TNNI3K: variants seen among roughly 807,000 people sequenced by gnomAD.
TNNI3K encodes serine/threonine-protein kinase TNNI3K.
Under a neutral mutation model 114.5 loss-of-function variants are expected in TNNI3K, and 140 were observed. The observed-to-expected ratio is 1.22, with a 90% CI of 1.07 to 1.41. The LOEUF (loss-of-function observed/expected upper bound fraction) is 1.41, where lower values mean the gene tolerates loss of function less well. Among genes scored for constraint, TNNI3K ranks in the 40% most tolerant of loss-of-function variants. TNNI3K has a pLI of 0.00. For synonymous variants in TNNI3K, 347 were observed against 347.5 expected (o/e 1.00, Z 0.02); for missense variants, 1,125 against 1,007.6 (o/e 1.12, Z -1.58).
chr1:74,378,606 A>AAT (rs1173669366), intron 17 of TNNI3K: 4 of 62,002 alleles, frequency 6.5e-5, no homozygotes, highest in Admixed American at 2.9e-4. Flanking sequence ...ATATATATAT[A>AAT]TATATATATA....
chr1:74,331,241 A>G (rs1435933136), intron 5 of TNNI3K, among the ~76,000 whole-genome samples: 1 of 152,228 alleles, frequency 6.6e-6, no homozygotes, highest in African/African-American at 2.4e-5. Context: ...GTCAGATTGA[A>G]GGGACCTTGA....
chr1:74,481,237 T>G (rs187864986), intron 21 of TNNI3K, among the ~76,000 whole-genome samples: 1 of 152,360 alleles, frequency 6.6e-6, no homozygotes, highest in Admixed American at 6.5e-5. Context: ...ATGTCAAAGT[T>G]AATTCATTGT....
chr1:74,498,391 A>T (rs1331664858), intron 23 of TNNI3K, among the ~76,000 whole-genome samples: 2 of 152,210 alleles, frequency 1.3e-5, no homozygotes, highest in African/African-American at 4.8e-5. Flanking sequence ...ACTCTGTGCC[A>T]CGTTATAATT....
intron 5 of TNNI3K, among the ~76,000 whole-genome samples, chr1:74,312,739 A>G (rs1659065309): frequency 6.6e-6 from 1 of 152,198 alleles, no homozygotes; most frequent in African/African-American, 2.4e-5. Context: ...TGGGATGGTT[A>G]GGAAAAGAAG....
Position 74,453,903 on chromosome 1 carries a change from A to G in TNNI3K, c.2012-9538A>G, listed in dbSNP as rs116473639. ...TCAACTAATTTCTTTCTGCTCATTAATTAAGAAATCTATACATTTTTTAAT... is the reference window on the plus strand; with the variant it reads ...TCAACTAATTTCTTTCTGCTCATTAGTTAAGAAATCTATACATTTTTTAAT... On this transcript the variant is annotated intron_variant, in intron 20 of 24. Coordinates refer to ENST00000326637, the MANE Select transcript of TNNI3K (RefSeq NM_015978.3). Among the ~76,000 whole-genome samples the G allele has an allele frequency of 6.8e-3, 1,032 of 152,310 alleles. 14 individuals are homozygous for G. Among genetic ancestry groups the G allele is most frequent in the African/African-American group, 0.023 (968 of 41,572 alleles).
chr1:74,509,320 A>G (rs553042351), intron 23 of TNNI3K, among the ~76,000 whole-genome samples: 1 of 152,308 alleles, frequency 6.6e-6, no homozygotes, highest in African/African-American at 2.4e-5. Context: ...AATCAGGAAA[A>G]TGACATTTGA....
At chr1:74,394,707 C>A (rs1426701128) in intron 17 of TNNI3K, among the ~76,000 whole-genome samples, 1 of 152,168 alleles carries the variant, frequency 6.6e-6, no homozygotes, top group Non-Finnish European at 1.5e-5. Context: ...AATAGGATTG[C>A]AATGTATTGT....
Position 74,348,630 on chromosome 1 carries a change from G to A in TNNI3K, c.933-4636G>A, listed in dbSNP as rs1661154526. ...CGACATTGATTCTTCCTACCCATGA[G>A]CATGGAATATTCTTCCATTTCTTTG... On this transcript the variant is annotated intron_variant, in intron 9 of 24. Transcript: ENST00000326637. 2.0e-5 allele frequency among the ~76,000 whole-genome samples: 3 copies of A among 152,288 alleles called. 1 individual carries two copies. The South Asian group carries it at 6.2e-4, about 32-fold the overall frequency.
chr1:74,410,774 C>A (rs999670515), intron 17 of TNNI3K, among the ~76,000 whole-genome samples: 2 of 152,138 alleles, frequency 1.3e-5, no homozygotes, highest in Non-Finnish European at 2.9e-5. Flanking sequence ...GAGATGTATT[C>A]TTTGAAAGCC....
At chr1:74,451,445 A>G (rs1666988961) in intron 20 of TNNI3K, among the ~76,000 whole-genome samples, 1 of 152,096 alleles carries the variant, frequency 6.6e-6, no homozygotes, top group Non-Finnish European at 1.5e-5. Flanking sequence ...TACTATTAAT[A>G]TATAGAAATA....
intron 4 of TNNI3K, among the ~76,000 whole-genome samples, chr1:74,251,917 T>A (rs1654953013): frequency 6.6e-6 from 1 of 152,232 alleles, no homozygotes; most frequent in Non-Finnish European, 1.5e-5. Context: ...AGTGCTAAAT[T>A]GTCTTTAGTA....
intron 23 of TNNI3K, among the ~76,000 whole-genome samples, chr1:74,511,794 A>G (rs1019450865): frequency 3.3e-5 from 5 of 152,012 alleles, no homozygotes; most frequent in Non-Finnish European, 5.9e-5. Context: ...TGAGTTTGGC[A>G]GAGTTAACCA....
intron 21 of TNNI3K, among the ~76,000 whole-genome samples, chr1:74,465,972 A>G (rs1344277774): frequency 1.3e-5 from 2 of 152,152 alleles, no homozygotes; most frequent in South Asian, 2.1e-4. Flanking sequence ...TGTGGAAGCT[A>G]TGATTTTTGC....
At chr1:74,256,283 CTTTTTTTTT>C (rs61636791) in intron 4 of TNNI3K, among the ~76,000 whole-genome samples, 1 of 42,780 alleles carries the variant, frequency 2.3e-5, no homozygotes, top group Admixed American at 3.3e-4. Flanking sequence ...TGTGGTCAGT[CTTTTTTTTT>C]TTTTTTTTTT....
intron 21 of TNNI3K, among the ~76,000 whole-genome samples, chr1:74,467,773 AC>A (rs1667740656): frequency 6.6e-6 from 1 of 152,156 alleles, no homozygotes; most frequent in Non-Finnish European, 1.5e-5. Context: ...ATTCCAGATT[AC>A]CCTGGAAAGT....
chr1:74,540,606 T>A lies in TNNI3K; in HGVS notation c.2431+293T>A, dbSNP rs552461883. ...ATAGAAAAAAGTACAACTCTTTTTTTAAAAAAAAAAAAAAACTCCTTCCTC... is the reference window on the plus strand; with the variant it reads ...ATAGAAAAAAGTACAACTCTTTTTTAAAAAAAAAAAAAAAACTCCTTCCTC... On this transcript the variant is annotated intron_variant, in intron 24 of 24. Transcript: ENST00000326637. Among the ~76,000 whole-genome samples the A allele has an allele frequency of 1.1e-3, 159 of 147,308 alleles. 1 individual carries two copies. The highest frequency in any genetic ancestry group is 3.6e-3 in the African/African-American group (144 of 39,974).
At chr1:74,481,014 G>A in intron 21 of TNNI3K, 1 of 661,346 alleles carries the variant, frequency 1.5e-6, no homozygotes, top group South Asian at 1.7e-5. Flanking sequence ...CACATGAGTG[G>A]GAGGGAGGGG....
intron 17 of TNNI3K, among the ~76,000 whole-genome samples, chr1:74,432,675 AG>A (rs545150171): frequency 2.3e-3 from 355 of 152,178 alleles, no homozygotes; most frequent in Non-Finnish European, 2.2e-3. Context: ...ATTTCTAATT[AG>A]CTTATTGATT....
intron 20 of TNNI3K, among the ~76,000 whole-genome samples, chr1:74,444,181 A>T (rs1382004768): frequency 6.6e-6 from 1 of 152,238 alleles, no homozygotes; most frequent in Non-Finnish European, 1.5e-5. Flanking sequence ...AAGTGAAAGA[A>T]GCTAAGCATA....
Sources: allele counts gnomAD v4.1 joint callset (sites outside exome capture counted in the v4.1 genomes callset), GRCh38; gene constraint gnomAD v4.1.1; transcripts MANE v1.5; gene names NCBI Gene and HGNC (gene_info 2026-07-23, HGNC 2026-07-21).